The following LUC7L3 variants were observed in gnomAD, a reference collection of about 807,000 sequenced individuals.
The protein encoded by LUC7L3 is LUC7 like 3 pre-mRNA splicing factor, also known as luc7-like protein 3.
A neutral mutation model predicts 66.8 loss-of-function variants in LUC7L3; 6 were observed. The observed-to-expected ratio is 0.09, with a 90% confidence interval of 0.05 to 0.18. LUC7L3 has a LOEUF of 0.18. Among genes scored for constraint, LUC7L3 ranks in the 10% least tolerant of loss-of-function variants. The pLI is 1.00. For missense variants in LUC7L3, 341 were observed against 531.1 expected (o/e 0.64, Z 3.52); for synonymous variants, 160 against 174.7 (o/e 0.92, Z 0.66).
At chr17:50,749,589 A>G (rs941426641) in intron 9 of LUC7L3, among the ~76,000 whole-genome samples, 2 of 152,190 alleles carry the variant, frequency 1.3e-5, no homozygotes, top group Admixed American at 6.5e-5. Context: ...TGCAGAAACT[A>G]TGTAGAGGGT....
chr17:50,739,235 A>C (rs1337799490), intron 2 of LUC7L3, among the ~76,000 whole-genome samples: 2 of 152,236 alleles, frequency 1.3e-5, no homozygotes, highest in African/African-American at 4.8e-5. Flanking sequence ...TAAGTATCCC[A>C]GATTGAAGTA....
At chr17:50,749,921 ATTAC>A (rs908466878) in intron 9 of LUC7L3, among the ~76,000 whole-genome samples, 4 of 152,218 alleles carry the variant, frequency 2.6e-5, no homozygotes, top group African/African-American at 9.6e-5. Flanking sequence ...TGGCATATAT[ATTAC>A]TTTTCTTAGC....
Position 50,752,254 on chromosome 17 carries a change from C to G in LUC7L3, c.*1593C>G. The G allele has an allele frequency of 7.9e-7, 1 of 1,271,738 alleles. No individual in the cohort carries two copies. The highest frequency in any genetic ancestry group is 1.0e-6 in the Non-Finnish European group (1 of 978,884). The allele number at this position is 1,271,738 out of a possible 1,614,324, so 78.8% of individuals were successfully genotyped here. ...ACTGAGAACGGCATAAAGTGAAGAT[C>G]GACATTTAAAAAATGAGGTGAAAGA... On this transcript the variant is annotated 3_prime_UTR_variant, in exon 10 of 10. Coordinates refer to ENST00000505658, the MANE Select transcript of LUC7L3 (RefSeq NM_016424.5).
chr17:50,745,947 A>T lies in LUC7L3; in HGVS notation c.921A>T (p.Arg307Ser). The T allele has an allele frequency of 6.2e-7, 1 of 1,612,530 alleles. No individual in the cohort carries two copies. The highest frequency in any genetic ancestry group is 8.5e-7 in the Non-Finnish European group (1 of 1,179,628). The change falls in exon 8 of 10, where the codon AGA becomes AGT. Residue 307 changes from arginine (R) to serine (S), a missense_variant. Physicochemically the swap from Arg to Ser is moderately radical, Grantham distance 110 (BLOSUM62 -1). Coordinates refer to ENST00000505658, the MANE Select transcript of LUC7L3 (RefSeq NM_016424.5). ...SRHSSRTSDR[R>S]CSRSRDHKRS... ...ACTCAAGCCGAACATCAGACAGAAG[A>T]TGCAGCAGGTCTCGGGACCACAAAA...
intron 9 of LUC7L3, chr17:50,749,123 T>C: frequency 1.1e-6 from 1 of 948,592 alleles, no homozygotes; most frequent in East Asian, 6.2e-5. Context: ...GGTGCTCTCT[T>C]TGTCAAGAGA....
Position 50,746,630 on chromosome 17 carries a change from C to T in LUC7L3, c.1066C>T (p.Arg356Trp). Reference sequence around the variant, plus strand: ...TCGGGATCGAAGAAGATCAAAAAGCCGGGATCGAAAGTCATATAAGCACAG... The same window carrying T: ...TCGGGATCGAAGAAGATCAAAAAGCTGGGATCGAAAGTCATATAAGCACAG... ...RSRDRRRSKS[R>W]DRKSYKHRSK... Residue 356 changes from arginine (R) to tryptophan (W), a missense_variant, in exon 9 of 10, where the codon CGG becomes TGG. By Grantham distance (101) the Arg-to-Trp change is moderately radical. Around this residue, in one of 6 missense-constraint regions of LUC7L3, gnomAD observed 210 missense variants for 238.1 expected, o/e 0.88. Transcript: ENST00000505658. The T allele has an allele frequency of 9.3e-6, 15 of 1,613,874 alleles. No homozygotes were observed. The highest frequency in any genetic ancestry group is 1.2e-5 in the Non-Finnish European group (14 of 1,179,940).
intron 1 of LUC7L3, 105 bp downstream of exon 1, chr17:50,719,936 C>G: frequency 1.0e-6 from 1 of 990,372 alleles, no homozygotes. Context: ...GGGCCGCACC[C>G]GGGGTCGAGC....
chr17:50,741,380 C>CA, intron 4 of LUC7L3, 134 bp downstream of exon 4: 1 of 902,916 alleles, frequency 1.1e-6, no homozygotes, highest in Non-Finnish European at 1.6e-6. Context: ...ATAGGGCATT[C>CA]ATTTTTTTTC....
intron 1 of LUC7L3, among the ~76,000 whole-genome samples, chr17:50,732,583 A>G (rs1969686215): frequency 7.0e-6 from 1 of 143,216 alleles, no homozygotes; most frequent in African/African-American, 2.6e-5. Flanking sequence ...TTTTTTAGAG[A>G]CAAGGTCTTA....
At chr17:50,736,688 C>A in intron 1 of LUC7L3, 1 of 341,770 alleles carries the variant, frequency 2.9e-6, no homozygotes, top group Admixed American at 4.6e-5. Flanking sequence ...ATGTCTTTCC[C>A]ATATTTGTTT....
chr17:50,753,714 T>TA lies in LUC7L3; in HGVS notation c.*3056dup, dbSNP rs1327917650. On this transcript the variant is annotated 3_prime_UTR_variant, in exon 10 of 10. Coordinates refer to ENST00000505658, the MANE Select transcript of LUC7L3 (RefSeq NM_016424.5). ...ATTGTGGTTGTAGCAGCAAAGGACTTAAAGTGATAGTTTTTAAACCATATT... is the reference window on the plus strand; with the variant it reads ...ATTGTGGTTGTAGCAGCAAAGGACTTAAAAGTGATAGTTTTTAAACCATATT... 1 of 152,168 alleles carries TA rather than the reference T, an allele frequency of 6.6e-6. No individual in the cohort carries two copies. Among genetic ancestry groups the TA allele is most frequent in the Non-Finnish European group, 1.5e-5 (1 of 68,020 alleles). 9.4% of individuals were successfully genotyped at this position (152,168 alleles called of 1,614,324 possible).
intron 4 of LUC7L3, 78 bp from the exon 5 acceptor site, chr17:50,741,576 ATAT>A: frequency 2.6e-6 from 2 of 760,150 alleles, no homozygotes. Flanking sequence ...TTAAATAGAA[ATAT>A]TATGTATGGT....
rs761911133 is a variant in LUC7L3, at chr17:50,746,074, T to G, written c.977+71T>G. ...CAATAACAATAATAACTACTAGTAT[T>G]ATTCCTTGGAATGGTACTTGGGAAG... On this transcript the variant is annotated intron_variant, in intron 8 of 9. Transcript: ENST00000505658. 507 of 1,482,766 alleles carry G rather than the reference T, an allele frequency of 3.4e-4. 1 individual carries two copies. The highest frequency in any genetic ancestry group is 4.1e-4 in the Non-Finnish European group (463 of 1,121,268). 91.9% of individuals were successfully genotyped at this position (1,482,766 alleles called of 1,614,324 possible). A position where few individuals can be genotyped will look rare whatever the true frequency, so the allele number is the denominator to read the frequency against.
At chr17:50,724,737 G>A (rs533752365) in intron 1 of LUC7L3, among the ~76,000 whole-genome samples, 11 of 143,126 alleles carry the variant, frequency 7.7e-5, no homozygotes, top group South Asian at 2.3e-4. Flanking sequence ...ACAGTTCTTC[G>A]TTTTATGAAA....
chr17:50,740,380 G>A (rs780355917), intron 3 of LUC7L3, 35 bp downstream of exon 3: 25 of 1,583,834 alleles, frequency 1.6e-5, no homozygotes, highest in Non-Finnish European at 2.0e-5. Context: ...CACCCCCCCA[G>A]TTATTAGTTG....
In LUC7L3 at chr17:50,737,156, TCTTA is replaced by T. The variant is rs778136189; in HGVS notation, c.166+134_166+137del. The T allele has an allele frequency of 1.2e-3, 778 of 671,604 alleles. 3 individuals are homozygous for T. The highest frequency in any genetic ancestry group is 9.7e-4 in the Non-Finnish European group (383 of 393,926). 41.6% of individuals were successfully genotyped at this position (671,604 alleles called of 1,614,324 possible). ...CTTAAAGATTTGCTAATAAGTAATT[TCTTA>T]CTTGGTTTAGATATTTGAATGTATT... On this transcript the variant is annotated intron_variant, in intron 2 of 9. Transcript: ENST00000505658.
chr17:50,748,504 G>A (rs1486952364), intron 9 of LUC7L3: 4 of 151,906 alleles, frequency 2.6e-5, no homozygotes, highest in African/African-American at 9.7e-5. Context: ...TTTTTGGGGG[G>A]GTAGAGATGG....
rs1315922131 is a variant in LUC7L3, at chr17:50,753,258, G to A, written c.*2597G>A. The stretch of plus-strand genomic sequence containing the variant: ...ATATATATCATAGCAATTCCTTGTG[G>A]TTTATAACTTGCAAATACTGCTATC... On this transcript the variant is annotated 3_prime_UTR_variant, in exon 10 of 10. Transcript: ENST00000505658. 6.6e-6 allele frequency: 1 copy of A among 152,590 alleles called. No homozygotes were observed. The highest frequency in any genetic ancestry group is 1.5e-5 in the Non-Finnish European group (1 of 68,028). The allele number at this position is 152,590 out of a possible 1,614,324, so 9.5% of individuals were successfully genotyped here. A position where few individuals can be genotyped will look rare whatever the true frequency, so the allele number is the denominator to read the frequency against.
At chr17:50,738,920 C>A (rs776358018) in intron 2 of LUC7L3, among the ~76,000 whole-genome samples, 1 of 152,014 alleles carries the variant, frequency 6.6e-6, no homozygotes, top group Non-Finnish European at 1.5e-5. Context: ...GGGTGTAGGT[C>A]ACAGAATTAT....
Sources: allele counts gnomAD v4.1 joint callset (sites outside exome capture counted in the v4.1 genomes callset), GRCh38; gene constraint gnomAD v4.1.1; regional missense constraint gnomAD v4.1.1; transcripts MANE v1.5; gene names NCBI Gene and HGNC (gene_info 2026-07-23, HGNC 2026-07-21).